Variants in CPPED1 observed in about 807,000 individuals in gnomAD.
CPPED1 encodes calcineurin like phosphoesterase domain containing 1.
A neutral mutation model predicts 28.0 loss-of-function variants in CPPED1; 28 were observed. That is an observed-to-expected ratio of 1.00 (90% CI 0.74 to 1.37). The LOEUF is 1.37. CPPED1 is among the 40% of genes most tolerant of loss of function. CPPED1 has a pLI of 0.00. For synonymous variants in CPPED1, 198 were observed against 180.2 expected (o/e 1.10, Z -0.79); for missense variants, 504 against 416.5 (o/e 1.21, Z -1.83).
chr16:12,778,589 T>C (rs79824358), intron 2 of CPPED1, among the ~76,000 whole-genome samples: 4,075 of 152,380 alleles, frequency 0.027, 107 homozygotes, highest in East Asian at 0.13. Flanking sequence ...GCCAAGATAC[T>C]ATTTATGGTA....
intron 2 of CPPED1, among the ~76,000 whole-genome samples, chr16:12,747,861 T>C (rs1214434229): frequency 2.0e-5 from 3 of 152,176 alleles, no homozygotes; most frequent in African/African-American, 7.2e-5. Flanking sequence ...TATAACCCAA[T>C]AAAGCTACTG....
rs918876949 is a variant in CPPED1, at chr16:12,670,388, A to G, written c.716-5273T>C. On this transcript the variant is annotated intron_variant, in intron 3 of 3. Coordinates refer to ENST00000381774, the MANE Select transcript of CPPED1 (RefSeq NM_018340.3). The surrounding 1 kb of genome is among the most constrained non-coding windows in gnomAD (Gnocchi z 4.2). ...GGGAGAAACATCTCCTACACACAGA[A>G]GAGTAACAAATAAATGACACAGACA... Among the ~76,000 whole-genome samples the G allele has an allele frequency of 2.6e-5, 4 of 152,230 alleles. No individual in the cohort carries two copies. Among genetic ancestry groups the G allele is most frequent in the African/African-American group, 9.6e-5 (4 of 41,454 alleles).
chr16:12,799,710 A>T (rs2080647811), intron 1 of CPPED1, among the ~76,000 whole-genome samples: 1 of 152,196 alleles, frequency 6.6e-6, no homozygotes, highest in Non-Finnish European at 1.5e-5. Flanking sequence ...GTGCAATGGA[A>T]GCAGCAATGG....
intron 1 of CPPED1, among the ~76,000 whole-genome samples, chr16:12,801,953 T>C (rs978285341): frequency 6.6e-6 from 1 of 152,116 alleles, no homozygotes; most frequent in East Asian, 1.9e-4. Context: ...AGGAGCGACC[T>C]TGACCTTCAG....
intron 3 of CPPED1, among the ~76,000 whole-genome samples, chr16:12,688,019 C>T (rs547422167): frequency 8.6e-5 from 13 of 151,704 alleles, no homozygotes; most frequent in South Asian, 8.4e-4. Flanking sequence ...GCAGGTGCCA[C>T]GCAACTCACA....
intron 1 of CPPED1, among the ~76,000 whole-genome samples, chr16:12,783,772 T>C (rs1011009584): frequency 6.6e-6 from 1 of 152,140 alleles, no homozygotes; most frequent in Non-Finnish European, 1.5e-5. Flanking sequence ...CAGAACAAAT[T>C]GTACATGTAC....
intron 2 of CPPED1, among the ~76,000 whole-genome samples, chr16:12,719,390 C>CA (rs746297859): frequency 0.069 from 6,271 of 90,264 alleles, 466 homozygotes; most frequent in African/African-American, 0.22. Context: ...GACTGCGTCT[C>CA]AAAAAAAAAA....
intron 1 of CPPED1, among the ~76,000 whole-genome samples, chr16:12,781,923 A>G (rs986290195): frequency 6.6e-6 from 1 of 151,764 alleles, no homozygotes; most frequent in African/African-American, 2.4e-5. Context: ...ATCTGGTGGG[A>G]GGTGTGGTGC....
intron 2 of CPPED1, among the ~76,000 whole-genome samples, chr16:12,755,703 A>G (rs1462131686): frequency 6.6e-6 from 1 of 152,228 alleles, no homozygotes; most frequent in Non-Finnish European, 1.5e-5. Context: ...TTGCTTCATC[A>G]TAGGAAAACA....
At chr16:12,668,635 C>T (rs1346969911) in intron 3 of CPPED1, among the ~76,000 whole-genome samples, 2 of 152,150 alleles carry the variant, frequency 1.3e-5, no homozygotes, top group African/African-American at 2.4e-5. Flanking sequence ...GCTTTTACAA[C>T]TCAACCAAAA....
intron 1 of CPPED1, among the ~76,000 whole-genome samples, chr16:12,785,556 T>A (rs867567565): frequency 6.6e-6 from 1 of 151,706 alleles, no homozygotes; most frequent in African/African-American, 2.4e-5. Flanking sequence ...GCCTCCCGAG[T>A]AGCTGCGATT....
intron 1 of CPPED1, among the ~76,000 whole-genome samples, chr16:12,799,911 CAG>C (rs1328565375): frequency 6.6e-6 from 1 of 152,182 alleles, no homozygotes; most frequent in African/African-American, 2.4e-5. Context: ...AAGAAAAGTT[CAG>C]AGTCACTCTC....
intron 2 of CPPED1, among the ~76,000 whole-genome samples, chr16:12,771,949 C>A (rs766671689): frequency 6.6e-6 from 1 of 152,112 alleles, no homozygotes; most frequent in Non-Finnish European, 1.5e-5. Context: ...ATGCAGAAAC[C>A]TTGTCTCTAC....
At chr16:12,673,622 C>T (rs1319596006) in intron 3 of CPPED1, among the ~76,000 whole-genome samples, 1 of 152,196 alleles carries the variant, frequency 6.6e-6, no homozygotes, top group Non-Finnish European at 1.5e-5. Flanking sequence ...GACAGCTGTT[C>T]CTCTCTGTAA....
intron 3 of CPPED1, among the ~76,000 whole-genome samples, chr16:12,687,798 T>G (rs1261782512): frequency 6.6e-6 from 1 of 152,160 alleles, no homozygotes; most frequent in African/African-American, 2.4e-5. Context: ...TCTTTGGGCT[T>G]GGCATAGAGT....
chr16:12,793,101 T>C (rs1392996389), intron 1 of CPPED1, among the ~76,000 whole-genome samples: 1 of 152,224 alleles, frequency 6.6e-6, no homozygotes, highest in African/African-American at 2.4e-5. Flanking sequence ...TCTATGGCAC[T>C]GGCTGTCAGT....
rs1253140650 is a variant in CPPED1 at position 12,670,938 on chromosome 16, C to T, written c.716-5823G>A. ...CGATCTCGGCTCACTGCAAACTCCGCCTCCCGGGTTCAAGTGATTCTCCTG... is the reference window on the plus strand; with the variant it reads ...CGATCTCGGCTCACTGCAAACTCCGTCTCCCGGGTTCAAGTGATTCTCCTG... On this transcript the variant is annotated intron_variant, in intron 3 of 3. Coordinates refer to ENST00000381774, the MANE Select transcript of CPPED1 (RefSeq NM_018340.3). The surrounding 1 kb of genome is among the most constrained non-coding windows in gnomAD (Gnocchi z 4.2). Among the ~76,000 whole-genome samples, 3 of 152,068 alleles carry T rather than the reference C, an allele frequency of 2.0e-5. No homozygotes were observed. Among genetic ancestry groups the T allele is most frequent in the Non-Finnish European group, 4.4e-5 (3 of 68,026 alleles).
At chr16:12,718,506 T>G (rs1294302123) in intron 2 of CPPED1, among the ~76,000 whole-genome samples, 2 of 142,526 alleles carry the variant, frequency 1.4e-5, no homozygotes, top group Non-Finnish European at 3.0e-5. Context: ...GCCACTGCAT[T>G]GCAGCCTGGG....
intron 2 of CPPED1, among the ~76,000 whole-genome samples, chr16:12,754,923 ATGGCT>A (rs1211618209): frequency 7.9e-5 from 12 of 152,150 alleles, no homozygotes; most frequent in Non-Finnish European, 2.9e-5. Flanking sequence ...AGGTGGGAGG[ATGGCT>A]TGAGCACAGG....
Sources: gnomAD v4.1 joint callset for allele counts (sites outside exome capture counted in the v4.1 genomes callset) on GRCh38, gnomAD v4.1.1 for gene constraint, Gnocchi (gnomAD v3.1) non-coding constraint, MANE v1.5 for transcripts, NCBI Gene and HGNC (gene_info 2026-07-23, HGNC 2026-07-21) for gene names.